Variants in GRID1 observed in about 807,000 individuals in gnomAD.
GRID1 encodes the protein glutamate receptor ionotropic, delta-1.
GRID1 carries 28 observed loss-of-function variants against 98.0 expected under a neutral mutation model. That is an observed-to-expected ratio of 0.29 (90% CI 0.21 to 0.39). The LOEUF is 0.39. Among genes scored for constraint, GRID1 ranks in the 10% least tolerant of loss-of-function variants. GRID1 has a pLI of 1.00. For missense variants in GRID1, 1,111 were observed against 1,340.5 expected (o/e 0.83, Z 2.67); for synonymous variants, 553 against 538.5 (o/e 1.03, Z -0.37).
At chr10:86,155,608 G>A (rs1394296131) in intron 3 of GRID1, among the ~76,000 whole-genome samples, 1 of 152,206 alleles carries the variant, frequency 6.6e-6, no homozygotes, top group Non-Finnish European at 1.5e-5. Flanking sequence ...AATTGTCTGT[G>A]GGTTAGCACA....
chr10:86,120,570 C>A (rs1369869669), intron 4 of GRID1, among the ~76,000 whole-genome samples: 1 of 152,134 alleles, frequency 6.6e-6, no homozygotes, highest in Non-Finnish European at 1.5e-5. Context: ...AATCATGGCC[C>A]ACAATCCAGG....
At chr10:85,957,774 AG>A (rs2131847213) in intron 4 of GRID1, among the ~76,000 whole-genome samples, 1 of 152,238 alleles carries the variant, frequency 6.6e-6, no homozygotes, top group East Asian at 1.9e-4. Context: ...ACCCATTCCC[AG>A]GTAACTCTTC....
chr10:86,284,681 A>C (rs2132070448), intron 2 of GRID1, among the ~76,000 whole-genome samples: 1 of 152,362 alleles, frequency 6.6e-6, no homozygotes, highest in East Asian at 1.9e-4. Flanking sequence ...TCAGTATGGC[A>C]GTCAAGGCAG....
chr10:85,864,573 T>C (rs1318619724), intron 6 of GRID1, among the ~76,000 whole-genome samples: 1 of 152,158 alleles, frequency 6.6e-6, no homozygotes, highest in Admixed American at 6.5e-5. Context: ...AAGTAAACCA[T>C]TGAAAGTGAC....
chr10:86,197,563 G>A (rs1360103205), intron 3 of GRID1, among the ~76,000 whole-genome samples: 2 of 152,072 alleles, frequency 1.3e-5, no homozygotes, highest in East Asian at 1.9e-4. Flanking sequence ...AGCCCGCATC[G>A]GTCCTGCAAG....
intron 12 of GRID1, among the ~76,000 whole-genome samples, chr10:85,680,936 T>C (rs1438082014): frequency 6.6e-6 from 1 of 152,060 alleles, no homozygotes; most frequent in Non-Finnish European, 1.5e-5. Context: ...CTAAATAGTG[T>C]GTACACATGG....
At chr10:86,116,463 C>T (rs1049794039) in intron 4 of GRID1, among the ~76,000 whole-genome samples, 3 of 152,234 alleles carry the variant, frequency 2.0e-5, no homozygotes, top group Non-Finnish European at 2.9e-5. Context: ...CTGCCCTTCC[C>T]AAACAGCTGG....
In GRID1 at chr10:85,856,378, AT is replaced by A. The variant is rs772607940; in HGVS notation, c.952-189del. ...GCCAGCTTCTAGAGTCCTGAATGGAATAAGACCTTGCCCTGCCTCAGGAACT... is the reference window on the plus strand; with the variant it reads ...GCCAGCTTCTAGAGTCCTGAATGGAAAAGACCTTGCCCTGCCTCAGGAACT... On this transcript the variant is annotated intron_variant, in intron 6 of 15. Coordinates refer to ENST00000327946, the MANE Select transcript of GRID1 (RefSeq NM_017551.3). 1.3e-4 allele frequency among the ~76,000 whole-genome samples: 20 copies of A among 152,202 alleles called. 1 individual carries two copies. Among genetic ancestry groups the A allele is most frequent in the Non-Finnish European group, 2.6e-4 (18 of 68,036 alleles).
rs17106263 is a variant in GRID1, at chr10:86,099,507, C to G, written c.726+39312G>C. On this transcript the variant is annotated intron_variant, in intron 4 of 15. Coordinates refer to ENST00000327946, the MANE Select transcript of GRID1 (RefSeq NM_017551.3). ...ACGACCCAGGCCCCTTGTCCCTTCACCAGGGCAGAATCTGCCACTCAAGGT... is the reference window on the plus strand; with the variant it reads ...ACGACCCAGGCCCCTTGTCCCTTCAGCAGGGCAGAATCTGCCACTCAAGGT... 3.0e-3 allele frequency among the ~76,000 whole-genome samples: 460 copies of G among 152,164 alleles called. 11 individuals are homozygous for G. The East Asian group carries it at 0.053, about 18-fold the overall frequency.
Position 85,854,502 on chromosome 10 carries a change from C to T in GRID1, c.1227G>A (p.Met409Ile). 5 of 1,613,878 alleles carry T rather than the reference C, an allele frequency of 3.1e-6. No homozygotes were observed. The highest frequency in any genetic ancestry group is 4.2e-6 in the Non-Finnish European group (5 of 1,179,770). Residue 409 changes from methionine to isoleucine, a missense_variant, in exon 8 of 16, where the codon ATG becomes ATA. Met to Ile is a conservative substitution (Grantham distance 10). Coordinates refer to ENST00000327946, the MANE Select transcript of GRID1 (RefSeq NM_017551.3). ...TTYSETFGKDMRKLATWDSEK... is the reference protein window; with the variant it reads ...TTYSETFGKDIRKLATWDSEK... ...CAGGGAGCCTGAGGCTTACCTTGCG[C>T]ATGTCTTTGCCAAAAGTCTCACTAT...
At chr10:85,673,079 T>G (rs929440689) in intron 12 of GRID1, among the ~76,000 whole-genome samples, 1 of 152,200 alleles carries the variant, frequency 6.6e-6, no homozygotes, top group African/African-American at 2.4e-5. Context: ...CCCTGATGGA[T>G]GACTTTGAGA....
intron 12 of GRID1, among the ~76,000 whole-genome samples, chr10:85,701,426 G>A (rs1457274597): frequency 6.6e-6 from 1 of 152,098 alleles, no homozygotes; most frequent in Non-Finnish European, 1.5e-5. Flanking sequence ...TTCTCTTACT[G>A]TTGTTGAGGC....
At chr10:86,012,508 T>C (rs1343305670) in intron 4 of GRID1, among the ~76,000 whole-genome samples, 1 of 152,188 alleles carries the variant, frequency 6.6e-6, no homozygotes, top group African/African-American at 2.4e-5. Context: ...AGCATCACAA[T>C]TAAGTATCAT....
intron 5 of GRID1, among the ~76,000 whole-genome samples, chr10:85,892,566 T>C (rs550052726): frequency 5.3e-4 from 80 of 151,798 alleles, no homozygotes; most frequent in African/African-American, 1.6e-3. Flanking sequence ...AAGAAAACTA[T>C]GTTTTTCCTA....
At chr10:86,164,371 C>A (rs891367618) in intron 3 of GRID1, among the ~76,000 whole-genome samples, 1 of 152,044 alleles carries the variant, frequency 6.6e-6, no homozygotes, top group Non-Finnish European at 1.5e-5. Flanking sequence ...GAGCAGAGAA[C>A]AAAAGCGCTC....
chr10:85,636,162 C>T lies in GRID1; in HGVS notation c.2193+11040G>A, dbSNP rs76299534. Among the ~76,000 whole-genome samples, 1,326 of 152,176 alleles carry T rather than the reference C, an allele frequency of 8.7e-3. 15 individuals are homozygous for T. The highest frequency in any genetic ancestry group is 0.015 in the Non-Finnish European group (1,013 of 67,986). ...ATTGTCCAAACATTGACATAAGGCC[C>T]CAGTGGAGGAAAGGAAGACCCCGGG... On this transcript the variant is annotated intron_variant, in intron 13 of 15. Coordinates refer to ENST00000327946, the MANE Select transcript of GRID1 (RefSeq NM_017551.3).
Position 85,724,638 on chromosome 10 carries a change from T to C in GRID1, c.1572A>G (p.Pro524=). 1 of 1,612,310 alleles carries C rather than the reference T, an allele frequency of 6.2e-7. No individual in the cohort carries two copies. ...DLAISAITIT[P]ERESVVDFSK... ...TGAAGTCCACAACGCTCTCCCTCTC[T>C]GGGGTGATGGTGATGGCAGAGATGG... The change falls in exon 11 of 16, where the codon CCA becomes CCG. Residue 524 remains proline (P), a synonymous_variant. Transcript: ENST00000327946.
At chr10:85,743,105 G>GCCC (rs4031782) in intron 8 of GRID1, among the ~76,000 whole-genome samples, 8,185 of 81,948 alleles carry the variant, frequency 0.1, 711 homozygotes, top group East Asian at 0.17. Context: ...GAATTATGCA[G>GCCC]CCCCCCCCCC....
chr10:85,936,768 G>A (rs1273602431), intron 4 of GRID1, among the ~76,000 whole-genome samples: 1 of 152,108 alleles, frequency 6.6e-6, no homozygotes, highest in African/African-American at 2.4e-5. Context: ...TATTTTTATT[G>A]AGTTATTTTG....
Sources: gnomAD v4.1 joint callset for allele counts (sites outside exome capture counted in the v4.1 genomes callset) on GRCh38, gnomAD v4.1.1 for gene constraint, MANE v1.5 for transcripts, NCBI Gene and HGNC (gene_info 2026-07-23, HGNC 2026-07-21) for gene names.